The following EPHA3 variants were observed in gnomAD, a reference collection of about 807,000 sequenced individuals.
The protein encoded by EPHA3 is ephrin type-A receptor 3.
Under a neutral mutation model 107.1 loss-of-function variants are expected in EPHA3, and 42 were observed. The observed-to-expected ratio is 0.39, with a 90% CI of 0.31 to 0.51. The LOEUF (loss-of-function observed/expected upper bound fraction) is 0.51, where lower values mean the gene tolerates loss of function less well. EPHA3 is among the 20% of genes least tolerant of loss of function. EPHA3 has a pLI of 0.78. For synonymous variants in EPHA3, 461 were observed against 424.8 expected, an observed-to-expected ratio of 1.09 and a Z score of -1.05; for missense variants, 1,183 against 1,211.2, an observed-to-expected ratio of 0.98 and a Z score of 0.35.
At chr3:89,175,603 G>T (rs1705305142) in intron 2 of EPHA3, among the ~76,000 whole-genome samples, 1 of 151,980 alleles carries the variant, frequency 6.6e-6, no homozygotes, top group Non-Finnish European at 1.5e-5. Flanking sequence ...AGCCTTATTG[G>T]CTTTATGACA....
At chr3:89,156,764 T>TA (rs936686418) in intron 2 of EPHA3, among the ~76,000 whole-genome samples, 2 of 151,982 alleles carry the variant, frequency 1.3e-5, no homozygotes, top group Non-Finnish European at 2.9e-5. Flanking sequence ...ACATTTTATT[T>TA]AAAAAAACGA....
intron 5 of EPHA3, among the ~76,000 whole-genome samples, chr3:89,387,035 G>C (rs1301116887): frequency 6.6e-6 from 1 of 152,172 alleles, no homozygotes; most frequent in African/African-American, 2.4e-5. Context: ...TAGGCAGAAA[G>C]GACTTGACTT....
intron 13 of EPHA3, among the ~76,000 whole-genome samples, chr3:89,442,958 T>C (rs1351102559): frequency 1.3e-5 from 2 of 152,194 alleles, no homozygotes; most frequent in Admixed American, 1.3e-4. Flanking sequence ...ACATAGCCAC[T>C]TTAGTTGTGA....
intron 5 of EPHA3, among the ~76,000 whole-genome samples, chr3:89,342,599 T>G (rs1488831111): frequency 6.6e-6 from 1 of 152,186 alleles, no homozygotes. Flanking sequence ...CTTGTGGGAT[T>G]TTAATTGTGA....
At chr3:89,440,022 A>G (rs1240087101) in intron 13 of EPHA3, among the ~76,000 whole-genome samples, 1 of 152,124 alleles carries the variant, frequency 6.6e-6, no homozygotes, top group Non-Finnish European at 1.5e-5. Flanking sequence ...AGGTTTTGCT[A>G]CCTAAAGGAT....
chr3:89,386,952 G>A (rs748468043), intron 5 of EPHA3, among the ~76,000 whole-genome samples: 2 of 152,168 alleles, frequency 1.3e-5, no homozygotes, highest in African/African-American at 2.4e-5. Context: ...TTTGGAATAG[G>A]TGTATTTAGC....
chr3:89,210,624 A>C (rs1706254798), intron 3 of EPHA3, 104 bp downstream of exon 3: 1 of 1,225,678 alleles, frequency 8.2e-7, no homozygotes, highest in South Asian at 1.6e-5. Context: ...TTGGCAGGAA[A>C]ACATGCCTCA....
intron 15 of EPHA3, among the ~76,000 whole-genome samples, chr3:89,459,489 C>T (rs1490107133): frequency 9.2e-6 from 1 of 109,166 alleles, no homozygotes; most frequent in Admixed American, 8.9e-5. Flanking sequence ...CTCCTTCCTT[C>T]TCTCCTTCCT....
intron 5 of EPHA3, among the ~76,000 whole-genome samples, chr3:89,346,600 T>C (rs889874680): frequency 4.6e-5 from 7 of 150,644 alleles, no homozygotes; most frequent in Admixed American, 1.3e-4. Flanking sequence ...TTTCTTTTGC[T>C]GTGCAGAAGC....
chr3:89,246,872 G>A (rs1705046709), intron 3 of EPHA3, among the ~76,000 whole-genome samples: 1 of 152,006 alleles, frequency 6.6e-6, no homozygotes, highest in Non-Finnish European at 1.5e-5. Flanking sequence ...AATGTCCTTT[G>A]GAGCAGTAGA....
intron 2 of EPHA3, among the ~76,000 whole-genome samples, chr3:89,177,998 G>A (rs1218779651): frequency 6.6e-6 from 1 of 152,138 alleles, no homozygotes; most frequent in East Asian, 1.9e-4. Flanking sequence ...TCCTCCAAAG[G>A]AACCAAAGTA....
chr3:89,194,803 C>T (rs1242995076), intron 2 of EPHA3, among the ~76,000 whole-genome samples: 1 of 152,110 alleles, frequency 6.6e-6, no homozygotes, highest in East Asian at 1.9e-4. Flanking sequence ...GCAACTCTGA[C>T]ATTGTTTTTC....
chr3:89,416,551 T>C (rs1709252176), intron 10 of EPHA3, among the ~76,000 whole-genome samples: 1 of 151,468 alleles, frequency 6.6e-6, no homozygotes, highest in Non-Finnish European at 1.5e-5. Context: ...CAGTGATTTT[T>C]AGTATATTTT....
At chr3:89,174,436 T>C (rs1161731120) in intron 2 of EPHA3, among the ~76,000 whole-genome samples, 3 of 152,046 alleles carry the variant, frequency 2.0e-5, no homozygotes, top group African/African-American at 7.2e-5. Context: ...CTACATACAA[T>C]GAGCTTATTA....
chr3:89,477,798 T>C (rs1710547427), intron 16 of EPHA3, among the ~76,000 whole-genome samples: 1 of 151,966 alleles, frequency 6.6e-6, no homozygotes, highest in South Asian at 2.1e-4. Context: ...TGGCAGCCAT[T>C]GTTTAGGTTG....
chr3:89,443,405 A>G (rs575360588), intron 13 of EPHA3, among the ~76,000 whole-genome samples: 1 of 152,348 alleles, frequency 6.6e-6, no homozygotes, highest in African/African-American at 2.4e-5. Context: ...AAATGTATTA[A>G]TGTAACAACA....
At chr3:89,232,605 G>A (rs1448616962) in intron 3 of EPHA3, among the ~76,000 whole-genome samples, 2 of 152,048 alleles carry the variant, frequency 1.3e-5, no homozygotes, top group African/African-American at 4.8e-5. Flanking sequence ...AATACTAGTG[G>A]GGCAAGGTGA....
chr3:89,203,771 T>C (rs987328656), intron 2 of EPHA3, among the ~76,000 whole-genome samples: 2 of 151,824 alleles, frequency 1.3e-5, no homozygotes, highest in African/African-American at 4.8e-5. Flanking sequence ...AGCGAGACTC[T>C]GTCTCAAAAA....
chr3:89,289,107 A>G (rs987667167), intron 3 of EPHA3, among the ~76,000 whole-genome samples: 4 of 152,160 alleles, frequency 2.6e-5, no homozygotes, highest in African/African-American at 9.7e-5. Flanking sequence ...GGATTTTACA[A>G]GCTAAGGAAC....
Sources: allele counts gnomAD v4.1 joint callset (sites outside exome capture counted in the v4.1 genomes callset), GRCh38; gene constraint gnomAD v4.1.1; transcripts MANE v1.5; gene names NCBI Gene and HGNC (gene_info 2026-07-23, HGNC 2026-07-21).